Variants in ARHGAP18 observed in about 807,000 individuals in gnomAD.
The protein encoded by ARHGAP18 is Rho GTPase activating protein 18.
Under a neutral mutation model 86.2 loss-of-function variants are expected in ARHGAP18, and 67 were observed. The ratio of observed to expected loss-of-function variants is 0.78; its 90% CI spans 0.64 to 0.95. ARHGAP18 has a LOEUF of 0.95. ARHGAP18 is among the 40% of genes least tolerant of loss of function. The pLI is 0.00. For missense variants in ARHGAP18, 691 were observed against 780.4 expected (o/e 0.89, Z 1.37); for synonymous variants, 283 against 280.4 (o/e 1.01, Z -0.09).
At chr6:129,696,698 T>C (rs1460939131) in intron 1 of ARHGAP18, among the ~76,000 whole-genome samples, 1 of 149,914 alleles carries the variant, frequency 6.7e-6, no homozygotes, top group Non-Finnish European at 1.5e-5. Context: ...CAATATAAAG[T>C]TACCAACAAA....
intron 1 of ARHGAP18, among the ~76,000 whole-genome samples, chr6:129,682,115 A>T (rs1774334649): frequency 6.6e-6 from 1 of 152,260 alleles, no homozygotes; most frequent in African/African-American, 2.4e-5. Flanking sequence ...GATTCAGTTT[A>T]TGAAAGCAGA....
Position 129,710,123 on chromosome 6 carries a change from G to A in ARHGAP18, c.14C>T (p.Ser5Phe), listed in dbSNP as rs748549945. The A allele has an allele frequency of 3.1e-6, 5 of 1,613,518 alleles. No individual in the cohort carries two copies. The South Asian group carries it at 4.4e-5, about 14-fold the overall frequency. ...TGTTAGTACCACTCCCTGGGAACTG[G>A]AGAGCCAGCTCATGGTGAGAGAAGG... The part of the protein sequence containing the change: MSWL[S>F]SSQGVVLTAY... The change falls in exon 1 of 15, where the codon TCC (serine) becomes TTC (phenylalanine). Residue 5 changes from serine to phenylalanine, a missense_variant. By Grantham distance (155) the Ser-to-Phe change is radical (BLOSUM62 -2). Transcript: ENST00000368149.
At chr6:129,599,490 T>G (rs1204631882) in intron 11 of ARHGAP18, 134 bp from the exon 12 acceptor site, 9 of 741,328 alleles carry the variant, frequency 1.2e-5, no homozygotes, top group Non-Finnish European at 1.8e-5. Context: ...CCATTTTACA[T>G]GCACTATTCA....
intron 12 of ARHGAP18, among the ~76,000 whole-genome samples, chr6:129,592,868 T>C (rs1336273955): frequency 1.3e-5 from 2 of 152,162 alleles, no homozygotes; most frequent in African/African-American, 2.4e-5. Flanking sequence ...TTTAAAATTC[T>C]AAAAGGAAAA....
chr6:129,633,831 C>T (rs1312538424), intron 4 of ARHGAP18, among the ~76,000 whole-genome samples: 1 of 152,088 alleles, frequency 6.6e-6, no homozygotes, highest in African/African-American at 2.4e-5. Context: ...TACGTATACG[C>T]ATTTTGAATC....
intron 5 of ARHGAP18, among the ~76,000 whole-genome samples, chr6:129,621,362 C>T (rs1789224921): frequency 6.6e-6 from 1 of 152,146 alleles, no homozygotes; most frequent in South Asian, 2.1e-4. Flanking sequence ...CTTTCTTAAC[C>T]GTTCGTAATG....
rs117413338 is a variant in ARHGAP18 at position 129,600,034 on chromosome 6, T to C, written c.1572+608A>G. Among the ~76,000 whole-genome samples the C allele has an allele frequency of 8.6e-3, 1,313 of 152,274 alleles. 6 individuals carry two copies. The highest frequency in any genetic ancestry group is 0.014 in the Non-Finnish European group (969 of 68,020). On this transcript the variant is annotated intron_variant, in intron 11 of 14. Coordinates refer to ENST00000368149, the MANE Select transcript of ARHGAP18 (RefSeq NM_033515.3). ...AAATAAAGACTTCAGGATCTAAATA[T>C]CATCACTCTGTCTTTTTAACAAATT...
chr6:129,599,500 ATTAAAT>A (rs1788692479), intron 11 of ARHGAP18, 144 bp from the exon 12 acceptor site: 1 of 701,362 alleles, frequency 1.4e-6, no homozygotes, highest in Non-Finnish European at 2.1e-6. Flanking sequence ...TGCACTATTC[ATTAAAT>A]CTGTGAAAAG....
At chr6:129,681,846 C>T (rs1019160614) in intron 1 of ARHGAP18, among the ~76,000 whole-genome samples, 26 of 152,276 alleles carry the variant, frequency 1.7e-4, no homozygotes, top group African/African-American at 5.1e-4. Context: ...GTTAGGCAAT[C>T]CATTATCCCT....
At chr6:129,636,162 A>T (rs1387825966) in intron 3 of ARHGAP18, among the ~76,000 whole-genome samples, 1 of 152,206 alleles carries the variant, frequency 6.6e-6, no homozygotes, top group Non-Finnish European at 1.5e-5. Context: ...ACACAAGTGG[A>T]TATCCCAAAT....
intron 4 of ARHGAP18, among the ~76,000 whole-genome samples, chr6:129,632,290 C>A (rs951218825): frequency 5.3e-5 from 8 of 152,098 alleles, no homozygotes; most frequent in African/African-American, 1.9e-4. Context: ...GGATCTATGC[C>A]CACTATGTAG....
At chr6:129,656,690 A>G (rs767985047) in intron 1 of ARHGAP18, among the ~76,000 whole-genome samples, 13 of 152,162 alleles carry the variant, frequency 8.5e-5, no homozygotes, top group Admixed American at 2.6e-4. Context: ...TCAATAGCAC[A>G]GTAAGAGGAG....
At chr6:129,626,997 A>G (rs549516776) in intron 5 of ARHGAP18, among the ~76,000 whole-genome samples, 1 of 152,216 alleles carries the variant, frequency 6.6e-6, no homozygotes, top group South Asian at 2.1e-4. Context: ...ATTTCTACTA[A>G]ACGGAATCAG....
intron 1 of ARHGAP18, among the ~76,000 whole-genome samples, chr6:129,684,432 A>T (rs140959786): frequency 1.9e-4 from 29 of 152,352 alleles, no homozygotes; most frequent in African/African-American, 7.0e-4. Context: ...GAGTAGTATT[A>T]TATTAATAAT....
Position 129,607,760 on chromosome 6 carries a change from C to T in ARHGAP18, c.1282+133G>A, listed in dbSNP as rs764553439. On this transcript the variant is annotated intron_variant, in intron 9 of 14. Coordinates refer to ENST00000368149, the MANE Select transcript of ARHGAP18 (RefSeq NM_033515.3). ...AAACAATGCATGGCAGCTGAGCACCCACTGACATCAGTTGAGTCAATATGT... is the reference window on the plus strand; with the variant it reads ...AAACAATGCATGGCAGCTGAGCACCTACTGACATCAGTTGAGTCAATATGT... 89 of 888,474 alleles carry T rather than the reference C, an allele frequency of 1.0e-4. 1 individual carries two copies. The highest frequency in any genetic ancestry group is 1.3e-4 in the Non-Finnish European group (82 of 626,130). The allele number at this position is 888,474 out of a possible 1,614,324, so 55.0% of individuals were successfully genotyped here. A position where few individuals can be genotyped will look rare whatever the true frequency, so the allele number is the denominator to read the frequency against.
chr6:129,606,045 TA>T, intron 9 of ARHGAP18, 86 bp from the exon 10 acceptor site: 1 of 1,285,578 alleles, frequency 7.8e-7, no homozygotes, highest in Admixed American at 1.8e-5. Context: ...AGAAAAAAGT[TA>T]TTTGGCATAA....
chr6:129,679,899 T>C (rs1562722352), intron 1 of ARHGAP18, among the ~76,000 whole-genome samples: 1 of 152,194 alleles, frequency 6.6e-6, no homozygotes, highest in Non-Finnish European at 1.5e-5. Context: ...CAGCACTCCC[T>C]CCGAAGCCTC....
intron 5 of ARHGAP18, among the ~76,000 whole-genome samples, chr6:129,624,354 C>T (rs772079086): frequency 6.6e-6 from 1 of 151,742 alleles, no homozygotes; most frequent in Non-Finnish European, 1.5e-5. Context: ...CGTGGTGAAG[C>T]CCCGTCTCTA....
chr6:129,652,967 T>C (rs1773746398), intron 1 of ARHGAP18, among the ~76,000 whole-genome samples: 1 of 152,306 alleles, frequency 6.6e-6, no homozygotes, highest in South Asian at 2.1e-4. Flanking sequence ...CATATAACTT[T>C]CTATGCTAAT....
Sources: allele counts gnomAD v4.1 joint callset (sites outside exome capture counted in the v4.1 genomes callset), GRCh38; gene constraint gnomAD v4.1.1; transcripts MANE v1.5; gene names NCBI Gene and HGNC (gene_info 2026-07-23, HGNC 2026-07-21).